Variants in CDKL5 observed in about 807,000 individuals in gnomAD.
CDKL5 encodes cyclin dependent kinase like 5, also known as cyclin-dependent kinase-like 5.
A neutral mutation model predicts 61.7 loss-of-function variants in CDKL5; 8 were observed. That is an observed-to-expected ratio of 0.13 (90% confidence interval 0.08 to 0.23). The LOEUF (loss-of-function observed/expected upper bound fraction) is 0.23. CDKL5 is among the 10% of genes least tolerant of loss of function. CDKL5 has a pLI of 1.00. For missense variants in CDKL5, 440 were observed against 734.5 expected (o/e 0.60, Z 4.63); for synonymous variants, 275 against 272.3 (o/e 1.01, Z -0.10).
intron 3 of CDKL5, among the ~76,000 whole-genome samples, chrX:18,537,940 CCT>C (rs1312152095): frequency 1.8e-5 from 2 of 111,194 alleles, no homozygotes; most frequent in African/African-American, 6.6e-5. Context: ...TTTTCATTTC[CCT>C]GTGTTAGGTG....
At chrX:18,534,955 A>C (rs758817195) in intron 3 of CDKL5, 1 of 112,373 alleles carries the variant, frequency 8.9e-6, no homozygotes, top group Non-Finnish European at 1.9e-5. Context: ...AACTTGAGAC[A>C]GTTTTGGCTG....
In CDKL5 at chrX:18,631,102, T is replaced by A; in HGVS notation, c.*2345T>A. 1.3e-5 allele frequency: 10 copies of A among 753,225 alleles called. No homozygotes were observed. The highest frequency in any genetic ancestry group is 1.6e-5 in the Non-Finnish European group (10 of 639,044). 62.1% of individuals were successfully genotyped at this position (753,225 alleles called of 1,213,427 possible). ...TCACCTAGGGGCTGGTTTCCCATGT[T>A]GTCATCCTTGCTAACACTGGGATCT... is the stretch of plus-strand genomic sequence containing the variant. On this transcript the variant is annotated 3_prime_UTR_variant, in exon 18 of 18. Transcript: ENST00000623535.
intron 15 of CDKL5, among the ~76,000 whole-genome samples, chrX:18,618,372 G>A (rs763670177): frequency 4.4e-4 from 49 of 111,614 alleles, no homozygotes; most frequent in African/African-American, 1.6e-3. Context: ...GTTACAGAAC[G>A]TTAAAAATAG....
At chrX:18,648,131 G>A (rs1034128770) in intron 20 of CDKL5, among the ~76,000 whole-genome samples, 7 of 111,464 alleles carry the variant, frequency 6.3e-5, no homozygotes, top group Non-Finnish European at 1.3e-4. Flanking sequence ...GAACCCGGGA[G>A]GCAGAGGTTT....
At chrX:18,484,027 C>A (rs899374042) in intron 1 of CDKL5, among the ~76,000 whole-genome samples, 7 of 111,487 alleles carry the variant, frequency 6.3e-5, no homozygotes, top group Non-Finnish European at 1.1e-4. Context: ...GGAGAAGAAT[C>A]CTTTGGTCAA....
In CDKL5 at chrX:18,604,330, A is replaced by C. The variant is rs1926278860; in HGVS notation, c.1406A>C (p.Tyr469Ser). 1 of 1,208,321 alleles carries C rather than the reference A, an allele frequency of 8.3e-7. No homozygotes were observed. The highest frequency in any genetic ancestry group is 2.2e-5 in the Admixed American group (1 of 45,725). ...QPNEKQSRHS[Y>S]IDTIPQSSRS... ...AATGAAAAGCAGAGTCGGCATAGCT[A>C]TATTGACACAATTCCCCAGTCCTCT... is the stretch of plus-strand genomic sequence containing the variant. Residue 469 changes from tyrosine to serine, a missense_variant, in exon 12 of 18, where the codon TAT (tyrosine) becomes TCT (serine). Coordinates refer to ENST00000623535, the MANE Select transcript of CDKL5 (RefSeq NM_001323289.2).
At chrX:18,642,113 A>T, downstream of CDKL5, 1 of 1,212,112 alleles carries the variant, frequency 8.3e-7, no homozygotes, top group East Asian at 3.0e-5. Flanking sequence ...GGGCCGCAGC[A>T]GGTTCTGAAC....
rs267608620 is a variant in CDKL5 at position 18,604,202 on chromosome X, A to C, written c.1278A>C (p.Ser426=). 4.6e-5 allele frequency: 56 copies of C among 1,209,696 alleles called. No homozygotes were observed. Among genetic ancestry groups the C allele is most frequent in the Non-Finnish European group, 6.1e-5 (55 of 894,806 alleles). Residue 426 remains serine (S), a synonymous_variant, in exon 12 of 18, where the codon TCA becomes TCC. Transcript: ENST00000623535. ...EFDFNIDPKP[S]EGPGTKYLKS... is the part of the protein sequence containing the mutation. ...ATTTTAATATTGACCCAAAGCCTTC[A>C]GAAGGCCCAGGGACAAAGTACCTCA...
intron 13 of CDKL5, 109 bp from the exon 14 acceptor site, chrX:18,609,356 T>G (rs913570484): frequency 1.7e-6 from 2 of 1,166,571 alleles, no homozygotes; most frequent in Non-Finnish European, 2.3e-6. Flanking sequence ...ATCCTACTAC[T>G]GCACTACAGC....
chrX:18,547,177 A>G (rs1275584266), intron 3 of CDKL5, among the ~76,000 whole-genome samples: 1 of 112,337 alleles, frequency 8.9e-6, no homozygotes, highest in African/African-American at 3.2e-5. Flanking sequence ...TGAATGAAGA[A>G]TGAATGCTTG....
rs759485059 is a variant in CDKL5, at chrX:18,653,620, C to G, written c.*76C>G. ...GAAGAACCAATTAACACCAATGAAT[C>G]AACCATTAACGCTGAGGTTGAGTTT... On this transcript the variant is annotated 3_prime_UTR_variant, in exon 22 of 22. Coordinates refer to the CDKL5 transcript ENST00000379989. The G allele has an allele frequency of 1.7e-5, 19 of 1,113,527 alleles. No individual in the cohort carries two copies. The Admixed American group carries it at 3.9e-4, about 23-fold the overall frequency. The allele number at this position is 1,113,527 out of a possible 1,213,427, so 91.8% of individuals were successfully genotyped here.
intron 1 of CDKL5, among the ~76,000 whole-genome samples, chrX:18,456,969 A>T (rs1021272039): frequency 9.0e-6 from 1 of 110,578 alleles, no homozygotes; most frequent in Non-Finnish European, 1.9e-5. Flanking sequence ...TCCTTCTTAG[A>T]GCATTTATCG....
chrX:18,545,132 G>A (rs1924147851), intron 3 of CDKL5, among the ~76,000 whole-genome samples: 1 of 110,313 alleles, frequency 9.1e-6, no homozygotes, highest in Non-Finnish European at 1.9e-5. Flanking sequence ...GCTACTCAGA[G>A]GATAAGGTGG....
intron 15 of CDKL5, among the ~76,000 whole-genome samples, chrX:18,617,715 A>T (rs1236347101): frequency 1.8e-5 from 2 of 111,756 alleles, no homozygotes; most frequent in African/African-American, 6.5e-5. Flanking sequence ...GTCTTTGGTG[A>T]TGCAAACACA....
chrX:18,510,936 A>G (rs750625299), intron 3 of CDKL5, 82 bp downstream of exon 3: 1 of 702,228 alleles, frequency 1.4e-6, no homozygotes. Context: ...GCGTGTGGGC[A>G]TGTACAGGTT....
At chrX:18,615,834 T>A (rs1236695405) in intron 15 of CDKL5, among the ~76,000 whole-genome samples, 1 of 112,279 alleles carries the variant, frequency 8.9e-6, no homozygotes, top group East Asian at 2.8e-4. Flanking sequence ...TTTCTTGCAA[T>A]GGAAAAGTCA....
Position 18,477,745 on chromosome X carries a change from G to C in CDKL5, c.-162-29190G>C, listed in dbSNP as rs919583219. On this transcript the variant is annotated intron_variant, in intron 1 of 17. Coordinates refer to ENST00000623535, the MANE Select transcript of CDKL5 (RefSeq NM_001323289.2). ...GTAGCTCTATTCTCTCTTCCTTTTT[G>C]TGATGTTATTATACATGTCTTATTT... 2.7e-5 allele frequency among the ~76,000 whole-genome samples: 3 copies of C among 111,215 alleles called. 1 individual carries two copies. Among genetic ancestry groups the C allele is most frequent in the Non-Finnish European group, 1.9e-5 (1 of 53,022 alleles).
intron 9 of CDKL5, chrX:18,588,440 T>G (rs1925714060): frequency 4.7e-6 from 1 of 210,859 alleles, no homozygotes; most frequent in African/African-American, 3.0e-5. Context: ...TATTGTTTCT[T>G]TATCCAAAAT....
chrX:18,587,074 C>A (rs1006466742), intron 8 of CDKL5, among the ~76,000 whole-genome samples: 1 of 111,986 alleles, frequency 8.9e-6, no homozygotes, highest in Admixed American at 9.5e-5. Context: ...TCCAAAATTT[C>A]TTTCCATATT....
Sources: allele counts gnomAD v4.1 joint callset (sites outside exome capture counted in the v4.1 genomes callset), GRCh38; gene constraint gnomAD v4.1.1; transcripts MANE v1.5; gene names NCBI Gene and HGNC (gene_info 2026-07-23, HGNC 2026-07-21).